GRAMD2B: variants seen among roughly 807,000 people sequenced by gnomAD.
GRAMD2B encodes the protein GRAM domain-containing protein 2B.
A neutral mutation model predicts 59.2 loss-of-function variants in GRAMD2B; 41 were observed. The observed-to-expected ratio is 0.69, with a 90% CI of 0.54 to 0.90. The LOEUF (loss-of-function observed/expected upper bound fraction) is 0.90, where lower values mean the gene tolerates loss of function less well. Among genes scored for constraint, GRAMD2B ranks in the 40% least tolerant of loss-of-function variants. The pLI, the probability that GRAMD2B is intolerant of heterozygous loss-of-function variation, is 0.00. For missense variants in GRAMD2B, 424 were observed against 500.5 expected (o/e 0.85, Z 1.46); for synonymous variants, 161 against 182.7 (o/e 0.88, Z 0.96).
At chr5:126,450,911 C>T (rs1765235572) in intron 1 of GRAMD2B, among the ~76,000 whole-genome samples, 1 of 152,216 alleles carries the variant, frequency 6.6e-6, no homozygotes, top group Non-Finnish European at 1.5e-5. Flanking sequence ...TGTCGCGCGG[C>T]GTAGCCAACA....
chr5:126,423,222 G>C (rs1202534961), upstream of GRAMD2B: 11 of 1,056,842 alleles, frequency 1.0e-5, no homozygotes, highest in East Asian at 1.9e-4. Context: ...TTACCAGGAG[G>C]CTAAACAGAT....
chr5:126,462,460 G>A (rs772056658), intron 1 of GRAMD2B: 36 of 984,988 alleles, frequency 3.7e-5, no homozygotes, highest in Non-Finnish European at 4.2e-5. Context: ...ACGCTTGCAG[G>A]AATAATCTTG....
chr5:126,377,251 C>A (rs747799759), intron 1 of GRAMD2B, among the ~76,000 whole-genome samples: 13 of 151,188 alleles, frequency 8.6e-5, no homozygotes, highest in Non-Finnish European at 1.6e-4. Flanking sequence ...GCCACCCACA[C>A]CCCCACTCTC....
At chr5:126,420,621 G>A (rs761130072), upstream of GRAMD2B, among the ~76,000 whole-genome samples, 3 of 152,180 alleles carry the variant, frequency 2.0e-5, no homozygotes, top group Non-Finnish European at 1.5e-5. Flanking sequence ...ATAAGCCCAT[G>A]CTAAGACTGC....
intron 1 of GRAMD2B, among the ~76,000 whole-genome samples, chr5:126,404,864 C>T (rs1758135096): frequency 6.6e-6 from 1 of 151,770 alleles, no homozygotes; most frequent in Admixed American, 6.6e-5. Flanking sequence ...AACATAATAA[C>T]AAAAAATAAA....
At chr5:126,469,606 G>A in intron 2 of GRAMD2B, 71 bp from the exon 3 acceptor site, 1 of 1,007,162 alleles carries the variant, frequency 9.9e-7, no homozygotes, top group South Asian at 1.4e-5. Context: ...CTGCACTTCA[G>A]CCTGGGCAAC....
intron 1 of GRAMD2B, among the ~76,000 whole-genome samples, chr5:126,450,652 TAAAAAAAAAAAA>T (rs10544199): frequency 0.013 from 1,204 of 96,058 alleles, 24 homozygotes; most frequent in African/African-American, 0.047. Flanking sequence ...AGCCTGCTGT[TAAAAAAAAAAAA>T]AAAAAAAAAA....
chr5:126,429,962 C>T (rs1761299959), intron 1 of GRAMD2B, among the ~76,000 whole-genome samples: 1 of 152,212 alleles, frequency 6.6e-6, no homozygotes, highest in Non-Finnish European at 1.5e-5. Flanking sequence ...TGCTTCCTGG[C>T]ACTGAGCTTT....
At chr5:126,381,341 G>T (rs1043583572) in intron 1 of GRAMD2B, among the ~76,000 whole-genome samples, 3 of 152,056 alleles carry the variant, frequency 2.0e-5, no homozygotes, top group Admixed American at 2.0e-4. Flanking sequence ...TGTTCATCAG[G>T]GATATTGGTC....
chr5:126,373,846 G>A (rs1215255691), intron 1 of GRAMD2B, among the ~76,000 whole-genome samples: 1 of 152,182 alleles, frequency 6.6e-6, no homozygotes, highest in Non-Finnish European at 1.5e-5. Context: ...TAGGGAAGAA[G>A]TCTAGAGGAA....
chr5:126,400,439 T>A (rs1757724522), intron 1 of GRAMD2B, among the ~76,000 whole-genome samples: 1 of 152,160 alleles, frequency 6.6e-6, no homozygotes, highest in African/African-American at 2.4e-5. Context: ...CTGTAGTTAT[T>A]TTTAATACTT....
At position 126,360,588 on chromosome 5, in the gene GRAMD2B, G is replaced by T. The variant is rs530490731; in HGVS notation, c.128+129G>T. ...TGGAGAATGTCTTTGATTGCCCACT[G>T]GGGGAGTTTTCCTTGTTTATCATCA... On this transcript the variant is annotated intron_variant, in intron 1 of 13. Transcript: ENST00000513040. 35 of 895,272 alleles carry T rather than the reference G, an allele frequency of 3.9e-5. No individual in the cohort carries two copies. In the African/African-American group the frequency reaches 5.2e-4, roughly 13 times the overall value. The allele number at this position is 895,272 out of a possible 1,614,324, so 55.5% of individuals were successfully genotyped here.
Position 126,381,716 on chromosome 5 carries a change from A to C in GRAMD2B, c.125+10149A>C, listed in dbSNP as rs1466779247. 2.0e-5 allele frequency among the ~76,000 whole-genome samples: 3 copies of C among 151,946 alleles called. No homozygotes were observed. In the East Asian group the frequency reaches 5.8e-4, roughly 29 times the overall value. ...CATTAGTATTGCGATGTGAGGTAGT[A>C]TTCTATTCATTGTGCTATTTGTTGC... On this transcript the variant is annotated intron_variant, in intron 1 of 8. Transcript: ENST00000506445.
At chr5:126,435,813 T>C (rs73783701) in intron 1 of GRAMD2B, among the ~76,000 whole-genome samples, 10,283 of 152,286 alleles carry the variant, frequency 0.068, 1,178 homozygotes, top group African/African-American at 0.23. Flanking sequence ...TTTGGCCTCT[T>C]TATTTTTTTA....
Position 126,408,226 on chromosome 5 carries a change from T to C in GRAMD2B, c.125+36659T>C, listed in dbSNP as rs145684518. ...ATTTGGTTTTCTGTTCCTGTGTTAA[T>C]TCACTTAGGATAATGGCTTCAAGCT... On this transcript the variant is annotated intron_variant, in intron 1 of 8. Coordinates refer to the GRAMD2B transcript ENST00000506445. Among the ~76,000 whole-genome samples the C allele has an allele frequency of 4.6e-5, 7 of 152,208 alleles. No individual in the cohort carries two copies. The East Asian group carries it at 1.4e-3, about 29-fold the overall frequency.
At chr5:126,431,755 T>C (rs1361170097) in intron 1 of GRAMD2B, among the ~76,000 whole-genome samples, 1 of 149,992 alleles carries the variant, frequency 6.7e-6, no homozygotes, top group Non-Finnish European at 1.5e-5. Context: ...TAATACTGAG[T>C]TATATTGAAA....
At chr5:126,461,661 A>G (rs1288972890) in intron 1 of GRAMD2B, among the ~76,000 whole-genome samples, 1 of 152,110 alleles carries the variant, frequency 6.6e-6, no homozygotes. Context: ...TTAGCCAGAC[A>G]TGGTGGCAGG....
In GRAMD2B at chr5:126,493,066, G is replaced by A; in HGVS notation, c.*110G>A. ...CTGCTGGTCAGAGGTGCAAGCAGAT[G>A]AGAATCCAGACATTGCATGTGGAGG... On this transcript the variant is annotated 3_prime_UTR_variant, in exon 14 of 14. Coordinates refer to ENST00000285689, the MANE Select transcript of GRAMD2B (RefSeq NM_023927.4). 1 of 765,508 alleles carries A rather than the reference G, an allele frequency of 1.3e-6. No homozygotes were observed. 47.4% of individuals were successfully genotyped at this position (765,508 alleles called of 1,614,324 possible).
chr5:126,408,414 A>G (rs1435411391), intron 1 of GRAMD2B, among the ~76,000 whole-genome samples: 3 of 151,952 alleles, frequency 2.0e-5, no homozygotes, highest in Non-Finnish European at 4.4e-5. Context: ...GGAACATACA[A>G]GTGCATGTGT....
Sources: allele counts gnomAD v4.1 joint callset (sites outside exome capture counted in the v4.1 genomes callset), GRCh38; gene constraint gnomAD v4.1.1; transcripts MANE v1.5; gene names NCBI Gene and HGNC (gene_info 2026-07-23, HGNC 2026-07-21).